The following AKR1B15 variants were observed in gnomAD, a reference collection of about 807,000 sequenced individuals.
The protein encoded by AKR1B15 is estradiol 17-beta-dehydrogenase AKR1B15.
In AKR1B15, 49 loss-of-function variants were observed where a neutral mutation model predicts 38.5. The observed-to-expected ratio is 1.27, with a 90% CI of 1.01 to 1.62. The LOEUF (loss-of-function observed/expected upper bound fraction) is 1.62. Among genes scored for constraint, AKR1B15 ranks in the 40% most tolerant of loss-of-function variants. The pLI is 0.00. For missense variants in AKR1B15, 411 were observed against 381.6 expected, an observed-to-expected ratio of 1.08 and a Z score of -0.64; for synonymous variants, 137 against 135.5, an observed-to-expected ratio of 1.01 and a Z score of -0.08.
intron 6 of AKR1B15, among the ~76,000 whole-genome samples, chr7:134,573,126 G>C (rs1452840337): frequency 2.0e-5 from 3 of 152,182 alleles, no homozygotes; most frequent in Non-Finnish European, 2.9e-5. Context: ...CCTCTACCAA[G>C]TAAAAACCAT....
chr7:134,572,384 T>G (rs1407754772), intron 6 of AKR1B15, among the ~76,000 whole-genome samples: 2 of 152,108 alleles, frequency 1.3e-5, no homozygotes, highest in Non-Finnish European at 1.5e-5. Flanking sequence ...ATCCCAGCAC[T>G]TTGGGAAGCC....
Position 134,569,484 on chromosome 7 carries a change from G to A in AKR1B15, c.390G>A (p.Leu130=), listed in dbSNP as rs750762069. The A allele has an allele frequency of 1.2e-6, 2 of 1,613,964 alleles. No homozygotes were observed. The highest frequency in any genetic ancestry group is 1.3e-5 in the African/African-American group (1 of 74,906). The part of the protein sequence containing the change: ...AFEKTLKDLK[L]SYLDVYLIHW... ...AGAAGACCCTCAAGGACCTGAAGCT[G>A]AGCTATCTGGACGTCTATCTTATTC... Residue 130 remains leucine (L), a synonymous_variant, in exon 5 of 12, where the codon CTG becomes CTA. Coordinates refer to ENST00000457545, the MANE Select transcript of AKR1B15 (RefSeq NM_001080538.3).
intron 1 of AKR1B15, among the ~76,000 whole-genome samples, chr7:134,551,620 C>A (rs1181581178): frequency 2.0e-5 from 3 of 152,140 alleles, no homozygotes; most frequent in East Asian, 1.9e-4. Flanking sequence ...GTAGCTCAGG[C>A]AGCTGAAAGG....
chr7:134,570,100 T>G (rs1794635793), intron 5 of AKR1B15: 2 of 153,006 alleles, frequency 1.3e-5, no homozygotes, highest in South Asian at 4.1e-4. Flanking sequence ...AATGCGCTCC[T>G]AGGGGTAGGC....
chr7:134,577,210 T>A (rs1365564505), intron 10 of AKR1B15, among the ~76,000 whole-genome samples, 164 bp downstream of exon 10: 1 of 152,156 alleles, frequency 6.6e-6, no homozygotes, highest in East Asian at 1.9e-4. Context: ...AGAGCTGAGA[T>A]GAATGACCCA....
In AKR1B15 at chr7:134,552,204, G is replaced by A. The variant is rs139637176; in HGVS notation, c.-147+2955G>A. 6.1e-3 allele frequency among the ~76,000 whole-genome samples: 926 copies of A among 152,252 alleles called. 7 individuals are homozygous for A. Among genetic ancestry groups the A allele is most frequent in the African/African-American group, 0.021 (874 of 41,546 alleles). Reference sequence around the variant, plus strand: ...GATGAGACCTGCTTCATAAGCTACAGGCGTCCATCTCCTTCTCGGCCCAAC... The same window carrying A: ...GATGAGACCTGCTTCATAAGCTACAAGCGTCCATCTCCTTCTCGGCCCAAC... On this transcript the variant is annotated intron_variant, in intron 1 of 11. Transcript: ENST00000457545.
At chr7:134,553,452 G>C (rs1349567613) in intron 1 of AKR1B15, among the ~76,000 whole-genome samples, 3 of 152,176 alleles carry the variant, frequency 2.0e-5, no homozygotes, top group Non-Finnish European at 4.4e-5. Context: ...ACACCCAGTG[G>C]CCTATTTGTC....
intron 1 of AKR1B15, among the ~76,000 whole-genome samples, chr7:134,555,423 AC>A (rs1466145395): frequency 6.6e-6 from 1 of 152,116 alleles, no homozygotes; most frequent in African/African-American, 2.4e-5. Flanking sequence ...AAAAAGGCCA[AC>A]AAAGCCCAGC....
intron 1 of AKR1B15, among the ~76,000 whole-genome samples, chr7:134,550,374 C>T (rs1793925196): frequency 6.6e-6 from 1 of 152,246 alleles, no homozygotes; most frequent in Non-Finnish European, 1.5e-5. Flanking sequence ...CTGTGTTCTC[C>T]CTCCTTAAAC....
intron 3 of AKR1B15, among the ~76,000 whole-genome samples, chr7:134,565,839 A>G (rs1027216932): frequency 5.9e-5 from 9 of 152,152 alleles, no homozygotes; most frequent in South Asian, 2.1e-4. Flanking sequence ...GCTCTAGGAC[A>G]CTTAATTGGG....
intron 6 of AKR1B15, among the ~76,000 whole-genome samples, chr7:134,574,266 A>G (rs1794718614): frequency 1.3e-5 from 2 of 152,156 alleles, no homozygotes; most frequent in African/African-American, 4.8e-5. Context: ...GTGTTCCCTG[A>G]ACATGTCATG....
chr7:134,575,279 G>T, intron 6 of AKR1B15, 141 bp from the exon 7 acceptor site: 1 of 1,378,664 alleles, frequency 7.3e-7, no homozygotes, highest in Non-Finnish European at 9.6e-7. Flanking sequence ...CCAGGCCCTG[G>T]ACTGAAATTT....
chr7:134,577,029 A>C lies in AKR1B15; in HGVS notation c.892A>C (p.Ile298Leu), dbSNP rs373987269. The C allele has an allele frequency of 4.5e-5, 72 of 1,613,808 alleles. No individual in the cohort carries two copies. The African/African-American group carries it at 9.2e-4, about 21-fold the overall frequency. ...VIPKSMTPAH[I>L]VENIQVFDFK... ...CCCCAAGTCTATGACACCAGCACAC[A>C]TTGTTGAGAACATTCAGGTAAGTTT... Residue 298 changes from isoleucine to leucine, a missense_variant, in exon 10 of 12, where the codon ATT (isoleucine) becomes CTT (leucine). Ile to Leu is a conservative substitution (Grantham distance 5, BLOSUM62 2). This residue lies in a region of AKR1B15 where 133 missense variants were observed against 120.3 expected (regional missense o/e 1.11). Coordinates refer to ENST00000457545, the MANE Select transcript of AKR1B15 (RefSeq NM_001080538.3).
At chr7:134,557,124 G>A (rs1794224916) in intron 2 of AKR1B15, among the ~76,000 whole-genome samples, 2 of 152,120 alleles carry the variant, frequency 1.3e-5, no homozygotes, top group East Asian at 1.9e-4. Context: ...TCTCATTCCT[G>A]GAGTACCAAA....
At chr7:134,578,074 C>T (rs1562953209) in intron 11 of AKR1B15, among the ~76,000 whole-genome samples, 2 of 152,140 alleles carry the variant, frequency 1.3e-5, no homozygotes. Flanking sequence ...CAGTCAATAT[C>T]TAGTGGTCAT....
chr7:134,562,753 T>A (rs1349099250), intron 2 of AKR1B15, among the ~76,000 whole-genome samples: 1 of 151,958 alleles, frequency 6.6e-6, no homozygotes, highest in Non-Finnish European at 1.5e-5. Flanking sequence ...AGAGAGGGAG[T>A]ATCACCATGT....
chr7:134,572,832 C>T (rs1003932964), intron 6 of AKR1B15, among the ~76,000 whole-genome samples: 1 of 152,070 alleles, frequency 6.6e-6, no homozygotes, highest in Non-Finnish European at 1.5e-5. Flanking sequence ...TATAAATGAA[C>T]AGTGGCATAT....
At chr7:134,567,197 A>G (rs1266188617) in intron 3 of AKR1B15, among the ~76,000 whole-genome samples, 3 of 152,294 alleles carry the variant, frequency 2.0e-5, no homozygotes, top group East Asian at 3.9e-4. Flanking sequence ...TTGTTACCTC[A>G]CAATAGAAGA....
At chr7:134,559,405 C>T (rs1007015695) in intron 2 of AKR1B15, among the ~76,000 whole-genome samples, 1 of 152,044 alleles carries the variant, frequency 6.6e-6, no homozygotes, top group Admixed American at 6.5e-5. Context: ...ACGACCAAAA[C>T]AAAAAACTCC....
Sources: gnomAD v4.1 joint callset for allele counts (sites outside exome capture counted in the v4.1 genomes callset) on GRCh38, gnomAD v4.1.1 for gene constraint, gnomAD v4.1.1 regional missense constraint, MANE v1.5 for transcripts, NCBI Gene and HGNC (gene_info 2026-07-23, HGNC 2026-07-21) for gene names.